LPP: variants seen among roughly 807,000 people sequenced by gnomAD.
LPP encodes lipoma-preferred partner.
LPP carries 38 observed loss-of-function variants against 60.4 expected under a neutral mutation model. The ratio of observed to expected loss-of-function variants is 0.63; its 90% confidence interval spans 0.49 to 0.83. LPP has a LOEUF of 0.83. Ranked by LOEUF, LPP falls within the 40% of genes least tolerant of loss-of-function variation. The pLI, the probability that LPP is intolerant of heterozygous loss-of-function variation, is 0.00. For synonymous variants in LPP, 328 were observed against 290.8 expected (o/e 1.13, Z -1.30); for missense variants, 902 against 783.6 (o/e 1.15, Z -1.80).
chr3:188,307,361 G>A (rs555533530), intron 2 of LPP, among the ~76,000 whole-genome samples: 1 of 152,144 alleles, frequency 6.6e-6, no homozygotes, highest in African/African-American at 2.4e-5. Flanking sequence ...CCACCCCCAA[G>A]CTCATTAAAT....
rs12492942 is a variant in LPP at position 188,392,651 on chromosome 3, A to G, written c.-9-13461A>G. ...TTGAATTTTAACCAAAAATTTCTAA[A>G]TTGTCTTGACAATAAACAGGCAAAA... On this transcript the variant is annotated intron_variant, in intron 3 of 11. Coordinates refer to ENST00000617246, the MANE Select transcript of LPP (RefSeq NM_001375462.1). Among the ~76,000 whole-genome samples the G allele has an allele frequency of 9.0e-3, 1,365 of 152,280 alleles. 65 individuals carry two copies. The highest frequency in any genetic ancestry group is 0.07 in the Admixed American group (1,073 of 15,298).
rs115858462 is a variant in LPP at position 188,207,688 on chromosome 3, G to T, written c.-189-17717G>T. On this transcript the variant is annotated intron_variant, in intron 1 of 11. Coordinates refer to ENST00000617246, the MANE Select transcript of LPP (RefSeq NM_001375462.1). ...TCCCAGGCTGGTCTTGAACTCCTGG[G>T]CTCAAGTAATACTGCCTTGGCCTCC... Among the ~76,000 whole-genome samples, 558 of 150,576 alleles carry T rather than the reference G, an allele frequency of 3.7e-3. 4 individuals carry two copies. Among genetic ancestry groups the T allele is most frequent in the African/African-American group, 0.013 (530 of 40,942 alleles).
rs189230152 is a variant in LPP, at chr3:188,629,655, C to T, written c.1113+19811C>T. ...TAAAATTTGGGGCAGTCATACTGGCCGAAGCAATTTATAGATTCAGTGATA... is the reference window on the plus strand; with the variant it reads ...TAAAATTTGGGGCAGTCATACTGGCTGAAGCAATTTATAGATTCAGTGATA... On this transcript the variant is annotated intron_variant, in intron 7 of 11. Transcript: ENST00000617246. Among the ~76,000 whole-genome samples, 11 of 151,624 alleles carry T rather than the reference C, an allele frequency of 7.3e-5. No homozygotes were observed. In the East Asian group the frequency reaches 9.7e-4, roughly 13 times the overall value.
intron 5 of LPP, among the ~76,000 whole-genome samples, chr3:188,493,204 G>A (rs1045451450): frequency 1.3e-5 from 2 of 151,974 alleles, no homozygotes; most frequent in Non-Finnish European, 1.5e-5. Context: ...TAGAATTCTC[G>A]GGTCAAATTT....
rs1206189875 is a variant in LPP at position 188,878,631 on chromosome 3, A to G, written c.*4152A>G. ...GCACTCTCGTGGGAGACAATCAGAG[A>G]ACAACATATACTTGTGCCTTATTTT... On this transcript the variant is annotated 3_prime_UTR_variant, in exon 12 of 12. Coordinates refer to ENST00000617246, the MANE Select transcript of LPP (RefSeq NM_001375462.1). 1 of 207,136 alleles carries G rather than the reference A, an allele frequency of 4.8e-6. No homozygotes were observed. Among genetic ancestry groups the G allele is most frequent in the East Asian group, 7.3e-5 (1 of 13,614 alleles). 12.8% of individuals were successfully genotyped at this position (207,136 alleles called of 1,614,324 possible).
intron 3 of LPP, among the ~76,000 whole-genome samples, chr3:188,390,577 C>T (rs75774025): frequency 6.6e-6 from 1 of 151,148 alleles, no homozygotes; most frequent in Non-Finnish European, 1.5e-5. Flanking sequence ...CACTGCTGGA[C>T]CGGGTGCCAG....
intron 2 of LPP, among the ~76,000 whole-genome samples, chr3:188,264,416 A>C (rs1265343324): frequency 6.6e-6 from 1 of 151,976 alleles, no homozygotes; most frequent in Non-Finnish European, 1.5e-5. Flanking sequence ...GAGCTGTAGC[A>C]GTCAAAGGAA....
chr3:188,416,764 A>G (rs986834504), intron 4 of LPP, among the ~76,000 whole-genome samples: 1 of 152,180 alleles, frequency 6.6e-6, no homozygotes, highest in Non-Finnish European at 1.5e-5. Flanking sequence ...CAACAAAAAA[A>G]TGGATTCTTC....
intron 1 of LPP, among the ~76,000 whole-genome samples, chr3:188,201,439 G>T (rs970157104): frequency 2.0e-5 from 3 of 152,212 alleles, no homozygotes; most frequent in Non-Finnish European, 4.4e-5. Flanking sequence ...AGGCGTGGTG[G>T]CTCATGCCTG....
At chr3:188,719,471 A>G (rs1715460638) in intron 8 of LPP, among the ~76,000 whole-genome samples, 2 of 152,188 alleles carry the variant, frequency 1.3e-5, no homozygotes, top group South Asian at 4.1e-4. Flanking sequence ...CTGCGTTAGG[A>G]TCACTATCTC....
intron 4 of LPP, among the ~76,000 whole-genome samples, chr3:188,438,979 C>G (rs74744057): frequency 0.013 from 1,914 of 152,228 alleles, 41 homozygotes; most frequent in African/African-American, 0.043. Context: ...TTTGGCTCAA[C>G]TGTAGTTAGT....
chr3:188,326,941 C>A (rs1445317829), intron 2 of LPP, among the ~76,000 whole-genome samples: 2 of 152,104 alleles, frequency 1.3e-5, no homozygotes, highest in Non-Finnish European at 1.5e-5. Flanking sequence ...AGTAAAGAGA[C>A]ACAATGAACG....
chr3:188,506,988 G>A (rs902021480), intron 5 of LPP, among the ~76,000 whole-genome samples: 3 of 151,968 alleles, frequency 2.0e-5, no homozygotes, highest in Non-Finnish European at 2.9e-5. Context: ...TAGTAGAGAC[G>A]GGGTTTCACT....
At chr3:188,435,889 G>C (rs2149205074) in intron 4 of LPP, among the ~76,000 whole-genome samples, 1 of 152,216 alleles carries the variant, frequency 6.6e-6, no homozygotes, top group South Asian at 2.1e-4. Flanking sequence ...CTTTCCTGCT[G>C]TCCTAAAGAG....
chr3:188,354,567 TTTTTTC>T (rs983212844), intron 3 of LPP, among the ~76,000 whole-genome samples: 1 of 152,196 alleles, frequency 6.6e-6, no homozygotes, highest in African/African-American at 2.4e-5. Flanking sequence ...AATGGATGTT[TTTTTTC>T]TTTTACAGTT....
chr3:188,281,892 T>C (rs2149928025), intron 2 of LPP, among the ~76,000 whole-genome samples: 1 of 152,328 alleles, frequency 6.6e-6, no homozygotes, highest in Non-Finnish European at 1.5e-5. Context: ...ACTACAAACA[T>C]TGAAATAGTT....
chr3:188,706,286 T>C (rs1560093245), intron 7 of LPP, among the ~76,000 whole-genome samples: 1 of 152,212 alleles, frequency 6.6e-6, no homozygotes, highest in Admixed American at 6.5e-5. Flanking sequence ...AAGAGGAGAT[T>C]AGCATAATGG....
At chr3:188,436,136 A>T (rs79143693) in intron 4 of LPP, among the ~76,000 whole-genome samples, 3 of 152,272 alleles carry the variant, frequency 2.0e-5, no homozygotes, top group African/African-American at 7.2e-5. Flanking sequence ...GGCAAGAGTT[A>T]CTCTTCCATT....
chr3:188,536,778 C>G (rs1417773748), intron 6 of LPP, among the ~76,000 whole-genome samples: 1 of 152,146 alleles, frequency 6.6e-6, no homozygotes, highest in Non-Finnish European at 1.5e-5. Flanking sequence ...CCTGTATAGT[C>G]AGATATATGA....
Sources: gnomAD v4.1 joint callset for allele counts (sites outside exome capture counted in the v4.1 genomes callset) on GRCh38, gnomAD v4.1.1 for gene constraint, MANE v1.5 for transcripts, NCBI Gene and HGNC (gene_info 2026-07-23, HGNC 2026-07-21) for gene names.